RCC2: variants seen among roughly 807,000 people sequenced by gnomAD.
The protein encoded by RCC2 is protein RCC2.
Under a neutral mutation model 64.1 loss-of-function variants are expected in RCC2, and 19 were observed. The ratio of observed to expected loss-of-function variants is 0.30; its 90% CI spans 0.21 to 0.44. The LOEUF (loss-of-function observed/expected upper bound fraction) is 0.44, where lower values mean the gene tolerates loss of function less well. Among genes scored for constraint, RCC2 ranks in the 20% least tolerant of loss-of-function variants. RCC2 has a pLI of 1.00. For synonymous variants in RCC2, 325 were observed against 279.6 expected (o/e 1.16, Z -1.62); for missense variants, 508 against 710.4 (o/e 0.72, Z 3.24).
At chr1:17,421,266 G>T (rs988379004) in intron 6 of RCC2, among the ~76,000 whole-genome samples, 27 of 152,138 alleles carry the variant, frequency 1.8e-4, no homozygotes, top group African/African-American at 6.3e-4. Flanking sequence ...GGAGGCCGAG[G>T]CAGGCAGATC....
At chr1:17,422,630 C>G in intron 5 of RCC2, 75 bp downstream of exon 5, 2 of 1,575,660 alleles carry the variant, frequency 1.3e-6, no homozygotes, top group Non-Finnish European at 1.7e-6. Context: ...CTCCACCACC[C>G]CACGCCCCAT....
chr1:17,428,169 G>A (rs1001294283), intron 3 of RCC2, among the ~76,000 whole-genome samples: 6 of 152,224 alleles, frequency 3.9e-5, no homozygotes, highest in African/African-American at 9.6e-5. Context: ...GTTGAAGAAC[G>A]GCTTTGAGAA....
chr1:17,422,127 G>A, intron 6 of RCC2, 76 bp downstream of exon 6: 3 of 1,040,618 alleles, frequency 2.9e-6, no homozygotes, highest in Non-Finnish European at 4.3e-6. Flanking sequence ...CTCAAACGGA[G>A]ACCCCACCTT....
chr1:17,427,785 C>T lies in RCC2; in HGVS notation c.379+1321G>A, dbSNP rs945022048. 2.9e-4 allele frequency among the ~76,000 whole-genome samples: 44 copies of T among 151,720 alleles called. 1 individual carries two copies. Among genetic ancestry groups the T allele is most frequent in the Non-Finnish European group, 1.3e-4 (9 of 67,922 alleles). On this transcript the variant is annotated intron_variant, in intron 3 of 12. Transcript: ENST00000375436. The stretch of plus-strand genomic sequence containing the variant: ...CTGAGGAGCCGGGTTGGGTTTCTTC[C>T]GGCCTCCCAAGGAAGGGCTGGAGGG...
intron 8 of RCC2, among the ~76,000 whole-genome samples, chr1:17,415,618 G>A (rs1016266549): frequency 6.6e-6 from 1 of 151,960 alleles, no homozygotes; most frequent in African/African-American, 2.4e-5. Context: ...GCTGAGGCAG[G>A]AGAATAGCTT....
intron 2 of RCC2, among the ~76,000 whole-genome samples, chr1:17,436,020 G>C (rs942803315): frequency 6.6e-6 from 1 of 152,074 alleles, no homozygotes; most frequent in Non-Finnish European, 1.5e-5. Flanking sequence ...CAGGTGCTCT[G>C]ATTCTAGAAC....
chr1:17,422,602 C>A, intron 5 of RCC2, 103 bp downstream of exon 5: 1 of 1,451,536 alleles, frequency 6.9e-7, no homozygotes, highest in Non-Finnish European at 9.4e-7. Context: ...TGATCCTGAC[C>A]AAGAGTCACA....
intron 8 of RCC2, 140 bp downstream of exon 8, chr1:17,416,340 G>A: frequency 1.1e-6 from 1 of 911,614 alleles, no homozygotes; most frequent in Non-Finnish European, 1.6e-6. Context: ...TTTGGCCAAG[G>A]TGCAAAGCCC....
chr1:17,410,724 T>TG (rs965904236), intron 11 of RCC2, among the ~76,000 whole-genome samples: 1 of 152,138 alleles, frequency 6.6e-6, no homozygotes, highest in Admixed American at 6.5e-5. Flanking sequence ...CACATGTCCC[T>TG]GGTTTCATCT....
chr1:17,429,250 G>T, intron 2 of RCC2, 51 bp from the exon 3 acceptor site: 1 of 1,399,448 alleles, frequency 7.1e-7, no homozygotes, highest in Non-Finnish European at 1.0e-6. Context: ...TCTGCACCTA[G>T]CTTTCCAAGG....
At chr1:17,424,765 G>C (rs952733483) in intron 4 of RCC2, among the ~76,000 whole-genome samples, 8 of 152,210 alleles carry the variant, frequency 5.3e-5, no homozygotes, top group African/African-American at 1.7e-4. Context: ...TGCCCCGCTG[G>C]AGGCAGAGGC....
intron 11 of RCC2, among the ~76,000 whole-genome samples, chr1:17,411,620 T>G (rs1380234271): frequency 6.7e-6 from 1 of 150,348 alleles, no homozygotes. Flanking sequence ...CACCAGGATC[T>G]AAGAATGAAA....
chr1:17,424,807 G>A (rs961386469), intron 4 of RCC2, among the ~76,000 whole-genome samples: 2 of 152,194 alleles, frequency 1.3e-5, no homozygotes, highest in Admixed American at 6.5e-5. Flanking sequence ...GGGATAAAAT[G>A]AGCCTTAGCC....
intron 12 of RCC2, 80 bp downstream of exon 12, chr1:17,409,894 T>C: frequency 8.2e-7 from 1 of 1,223,302 alleles, no homozygotes; most frequent in Non-Finnish European, 1.2e-6. Context: ...CCAAACAGAC[T>C]GCGATGATCA....
In RCC2 at chr1:17,413,084, G is replaced by C; in HGVS notation, c.1302C>G (p.Ser434Arg). The change falls in exon 10 of 13, where the codon AGC becomes AGG. Residue 434 changes from serine (S) to arginine (R), a missense_variant. Transcript: ENST00000375436. ...VQDLCGWRIR[S>R]LACGKSSIIV... ...ATGCTGCCACCTACCCACAAGCCAGGCTCCGGATTCTCCAGCCGCAGAGGT... is the reference window on the plus strand; with the variant it reads ...ATGCTGCCACCTACCCACAAGCCAGCCTCCGGATTCTCCAGCCGCAGAGGT... 6.2e-7 allele frequency: 1 copy of C among 1,613,090 alleles called. No individual in the cohort carries two copies. The highest frequency in any genetic ancestry group is 8.5e-7 in the Non-Finnish European group (1 of 1,179,414).
rs564876055 is a variant in RCC2, at chr1:17,438,418, C to G, written c.97G>C (p.Gly33Arg). The G allele has an allele frequency of 5.5e-6, 7 of 1,269,994 alleles. No individual in the cohort carries two copies. The highest frequency in any genetic ancestry group is 6.9e-6 in the Non-Finnish European group (7 of 1,012,068). The allele number at this position is 1,269,994 out of a possible 1,614,324, so 78.7% of individuals were successfully genotyped here. Residue 33 changes from glycine (G) to arginine (R), a missense_variant, in exon 2 of 13, where the codon GGC becomes CGC. Gly to Arg is a moderately radical substitution (Grantham distance 125). Transcript: ENST00000375436. The stretch of plus-strand genomic sequence containing the variant: ...CGCTCGGGCCGCTCGCGCTTCCTGC[C>G]CGCCGGGCCGCCGCGTTTCCTGGGC... ...AGPRKRGGPA[G>R]RKRERPERCS...
rs1001202631 is a variant in RCC2, at chr1:17,409,024, G to A, written c.*66C>T. 12 of 1,206,716 alleles carry A rather than the reference G, an allele frequency of 9.9e-6. No individual in the cohort carries two copies. The highest frequency in any genetic ancestry group is 9.0e-5 in the African/African-American group (6 of 66,812). 74.8% of individuals were successfully genotyped at this position (1,206,716 alleles called of 1,614,324 possible). Reference sequence around the variant, plus strand: ...TTTTAAATTCCTCGTTTGACTTCCCGTCCCAGTGCACATGGAAATGACAGC... The same window carrying A: ...TTTTAAATTCCTCGTTTGACTTCCCATCCCAGTGCACATGGAAATGACAGC... On this transcript the variant is annotated 3_prime_UTR_variant, in exon 13 of 13. Coordinates refer to ENST00000375436, the MANE Select transcript of RCC2 (RefSeq NM_018715.4).
chr1:17,426,384 CAT>C (rs2075616865), intron 3 of RCC2, among the ~76,000 whole-genome samples: 1 of 152,158 alleles, frequency 6.6e-6, no homozygotes, highest in South Asian at 2.1e-4. Flanking sequence ...GACACCCACC[CAT>C]ATATTCGCTT....
At chr1:17,421,815 C>T (rs971022045) in intron 6 of RCC2, among the ~76,000 whole-genome samples, 21 of 152,256 alleles carry the variant, frequency 1.4e-4, no homozygotes, top group Non-Finnish European at 2.8e-4. Context: ...CACCTGAGGT[C>T]AGGAGTTCCA....
Sources: allele counts gnomAD v4.1 joint callset (sites outside exome capture counted in the v4.1 genomes callset), GRCh38; gene constraint gnomAD v4.1.1; transcripts MANE v1.5; gene names NCBI Gene and HGNC (gene_info 2026-07-23, HGNC 2026-07-21).